The following PLEC variants were observed in gnomAD, a reference collection of about 807,000 sequenced individuals.
PLEC encodes the protein plectin, also known as hemidesmosomal protein 1.
A neutral mutation model predicts 392.8 loss-of-function variants in PLEC; 216 were observed. The ratio of observed to expected loss-of-function variants is 0.55; its 90% CI spans 0.49 to 0.62. The LOEUF is 0.62. Among genes scored for constraint, PLEC ranks in the 20% least tolerant of loss-of-function variants. The pLI, the probability that PLEC is intolerant of heterozygous loss-of-function variation, is 0.00. For missense variants in PLEC, 6,863 were observed against 6,563.4 expected (o/e 1.05, Z -1.58); for synonymous variants, 3,621 against 2,980.6 (o/e 1.21, Z -7.00).
At chr8:143,944,034 C>A, upstream of PLEC, 5 of 1,297,772 alleles carry the variant, frequency 3.9e-6, no homozygotes, top group Admixed American at 4.7e-5. Flanking sequence ...CCGCCCCATA[C>A]GCGGCGGCAG....
rs782357561 is a variant in PLEC, at chr8:143,919,972, C to G, written c.9849G>C (p.Lys3283Asn). ...QFRTGKVTVE[K>N]VIKILITIVE... ...CGATGGTAATGAGAATCTTGATGACCTTCTCCACGGTGACCTTGCCCGTGC... is the reference window on the plus strand; with the variant it reads ...CGATGGTAATGAGAATCTTGATGACGTTCTCCACGGTGACCTTGCCCGTGC... Residue 3283 changes from lysine (K) to asparagine (N), a missense_variant, in exon 32 of 32, where the codon AAG becomes AAC. Coordinates refer to ENST00000345136, the MANE Select transcript of PLEC (RefSeq NM_201384.3). 1 of 1,613,366 alleles carries G rather than the reference C, an allele frequency of 6.2e-7. No individual in the cohort carries two copies. Among genetic ancestry groups the G allele is most frequent in the Admixed American group, 1.7e-5 (1 of 60,030 alleles).
At position 143,925,565 on chromosome 8, in the gene PLEC, C is replaced by T. The variant is rs542878693; in HGVS notation, c.4364G>A (p.Arg1455His). The change falls in exon 31 of 32, where the codon CGC becomes CAC. Residue 1455 changes from arginine (R) to histidine (H), a missense_variant. Coordinates refer to ENST00000345136, the MANE Select transcript of PLEC (RefSeq NM_201384.3). ...GGCCTCCAACTGCAGGCGCACCACGCGGATCTCCTCCTCGATGCGCAGCCG... is the reference window on the plus strand; with the variant it reads ...GGCCTCCAACTGCAGGCGCACCACGTGGATCTCCTCCTCGATGCGCAGCCG... The part of the protein sequence containing the change: ...RSRLRIEEEI[R>H]VVRLQLEATE... 70 of 1,587,348 alleles carry T rather than the reference C, an allele frequency of 4.4e-5. 1 individual carries two copies. The East Asian group carries it at 5.7e-4, about 13-fold the overall frequency.
At position 143,921,749 on chromosome 8, in the gene PLEC, T is replaced by C; in HGVS notation, c.8072A>G (p.Tyr2691Cys). The C allele has an allele frequency of 6.2e-7, 1 of 1,612,478 alleles. No homozygotes were observed. The highest frequency in any genetic ancestry group is 2.2e-5 in the East Asian group (1 of 44,872). The change falls in exon 32 of 32, where the codon TAC becomes TGC. Residue 2691 changes from tyrosine (Y) to cysteine (C), a missense_variant. Coordinates refer to ENST00000345136, the MANE Select transcript of PLEC (RefSeq NM_201384.3). ...ELARREDVRH[Y>C]LQGRSSIAGL... The stretch of plus-strand genomic sequence containing the variant: ...TGCGATACTGCTGCGGCCCTGCAGG[T>C]AGTGGCGCACGTCTTCCCGCCGTGC...
Position 143,921,254 on chromosome 8 carries a change from G to A in PLEC, c.8567C>T (p.Pro2856Leu). The change falls in exon 32 of 32, where the codon CCC (proline) becomes CTC (leucine). Residue 2856 changes from proline (P) to leucine (L), a missense_variant. Physicochemically the swap from Pro to Leu is moderately conservative, Grantham distance 98. Coordinates refer to ENST00000345136, the MANE Select transcript of PLEC (RefSeq NM_201384.3). ...GTACGTGAGGTTCTCGTGCGTGTTG[G>A]GGTCAAAGAAGCCCTTGGTGTCGTC... Reference protein sequence around the residue: ...PSDDTKGFFDPNTHENLTYLQ... With the variant: ...PSDDTKGFFDLNTHENLTYLQ... 1 of 1,614,126 alleles carries A rather than the reference G, an allele frequency of 6.2e-7. No individual in the cohort carries two copies. The highest frequency in any genetic ancestry group is 1.1e-5 in the South Asian group (1 of 91,088).
Position 143,919,468 on chromosome 8 carries a change from C to T in PLEC, c.10353G>A (p.Met3451Ile). The T allele has an allele frequency of 6.2e-7, 1 of 1,613,298 alleles. No homozygotes were observed. Among genetic ancestry groups the T allele is most frequent in the Non-Finnish European group, 8.5e-7 (1 of 1,179,870 alleles). ...GCTGCCGGAGAACCAGGCCCTTCTG[C>T]ATGGCCTGGAAGAGGGAGATGGTGC... Reference protein sequence around the residue: ...SGSTISLFQAMQKGLVLRQHG... With the variant: ...SGSTISLFQAIQKGLVLRQHG... The change falls in exon 32 of 32, where the codon ATG becomes ATA. Residue 3451 changes from methionine to isoleucine, a missense_variant. Physicochemically the swap from Met to Ile is conservative, Grantham distance 10. Transcript: ENST00000345136.
intron 17 of PLEC, 33 bp downstream of exon 17, chr8:143,932,097 C>T: frequency 1.9e-6 from 3 of 1,585,666 alleles, no homozygotes; most frequent in African/African-American, 1.3e-5. Flanking sequence ...CACGGCCCCC[C>T]CCGCAGCCCC....
upstream of PLEC, chr8:143,975,098 T>C (rs544641421): frequency 2.3e-5 from 34 of 1,502,100 alleles, no homozygotes; most frequent in Non-Finnish European, 3.0e-5. This position sits in a 1 kb window ranked among gnomAD's most constrained non-coding sequence, Gnocchi z 9.9. Context: ...CAGTCCCCGC[T>C]CCAGCGCCTA....
rs1563915780 is a variant in PLEC, at chr8:143,916,241, T to C, written c.13580A>G (p.Tyr4527Cys). The C allele has an allele frequency of 3.2e-6, 5 of 1,546,240 alleles. No individual in the cohort carries two copies. The highest frequency in any genetic ancestry group is 2.1e-4 in the Middle Eastern group (1 of 4,756). The change falls in exon 32 of 32, where the codon TAC becomes TGC. Residue 4527 changes from tyrosine (Y) to cysteine (C), a missense_variant. By Grantham distance (194) the Tyr-to-Cys change is radical. Transcript: ENST00000345136. ...FSSSSYSSSG[Y>C]GRRYASGSSA... ...GGACCCCGAGGCGTAGCGGCGGCCG[T>C]AGCCCGAGGAGGAGTAGGAGGATGA...
upstream of PLEC, chr8:143,953,941 G>T: frequency 7.2e-7 from 1 of 1,393,624 alleles, no homozygotes. Flanking sequence ...GGGCCGCCCC[G>T]GGCGCATGCT....
chr8:143,938,217 C>T lies in PLEC; in HGVS notation c.198G>A (p.Leu66=), dbSNP rs1180818294. ...LIKAQRHISD[L]YEDLRDGHNL... ...TGTGGCCATCGCGGAGGTCTTCATA[C>T]AGGTCACTGATGTGCCTCTGGGCCT... Residue 66 remains leucine, a synonymous_variant, in exon 3 of 32, where the codon CTG becomes CTA. Transcript: ENST00000345136. 8 of 1,606,358 alleles carry T rather than the reference C, an allele frequency of 5.0e-6. No homozygotes were observed. In the Admixed American group the frequency reaches 1.0e-4, roughly 20 times the overall value.
At position 143,932,820 on chromosome 8, in the gene PLEC, G is replaced by A. The variant is rs1554718219; in HGVS notation, c.1710C>T (p.Ala570=). ...CGTCACTCCGTGCCCGCTCGATCTTGGCCCGGAATTCTTCGATGGACTGGT... is the reference window on the plus strand; with the variant it reads ...CGTCACTCCGTGCCCGCTCGATCTTAGCCCGGAATTCTTCGATGGACTGGT... ...GLHQSIEEFR[A]KIERARSDEG... is the part of the protein sequence containing the mutation. The change falls in exon 14 of 32, where the codon GCC becomes GCT. Residue 570 remains alanine, a synonymous_variant. Transcript: ENST00000345136. The A allele has an allele frequency of 2.5e-6, 4 of 1,612,432 alleles. No individual in the cohort carries two copies. The African/African-American group carries it at 5.3e-5, about 22-fold the overall frequency.
chr8:143,932,090 G>C (rs782416440), intron 17 of PLEC, 40 bp downstream of exon 17: 4 of 1,573,364 alleles, frequency 2.5e-6, no homozygotes, highest in Non-Finnish European at 3.4e-6. Context: ...GACCCGGCAC[G>C]GCCCCCCCCG....
rs1355314625 is a variant in PLEC, at chr8:143,920,851, C to T, written c.8970G>A (p.Arg2990=). Residue 2990 remains arginine, a synonymous_variant, in exon 32 of 32, where the codon AGG becomes AGA. Transcript: ENST00000345136. ...GCTGGTAGAGCTCGCGGTCGATGAC[C>T]CTGCTCTCCAGCAGCTCGGCGGCTG... is the stretch of plus-strand genomic sequence containing the variant. ...LVPAAELLES[R]VIDRELYQQL... is the part of the protein sequence containing the mutation. 1 of 1,609,808 alleles carries T rather than the reference C, an allele frequency of 6.2e-7. No individual in the cohort carries two copies. The highest frequency in any genetic ancestry group is 8.5e-7 in the Non-Finnish European group (1 of 1,179,956).
At position 143,934,223 on chromosome 8, in the gene PLEC, T is replaced by A. The variant is rs1009293630; in HGVS notation, c.1169+95A>T. On this transcript the variant is annotated intron_variant, in intron 11 of 31. Transcript: ENST00000345136. ...GTCCTAAGGCGAGTGGGAGCTTGGG[T>A]TCCCCCGCCGGGGGCGGGGCGGGGA... is the stretch of plus-strand genomic sequence containing the variant. 7 of 1,589,590 alleles carry A rather than the reference T, an allele frequency of 4.4e-6. No individual in the cohort carries two copies. The South Asian group carries it at 7.7e-5, about 18-fold the overall frequency.
intron 6 of PLEC, 67 bp from the exon 7 acceptor site, chr8:143,935,380 G>A (rs1035498233): frequency 3.7e-5 from 39 of 1,047,198 alleles, no homozygotes; most frequent in Non-Finnish European, 5.2e-5. Context: ...ACAGGCGGGT[G>A]CACAGGCCGG....
rs192809477 is a variant in PLEC, at chr8:143,932,050, C to T, written c.2083-18G>A. The T allele has an allele frequency of 1.7e-4, 273 of 1,566,994 alleles. No homozygotes were observed. The highest frequency in any genetic ancestry group is 2.3e-4 in the Non-Finnish European group (265 of 1,156,364). ...TGGAAGGACTGCGGGACAGCAGGTC[C>T]CGGTCAGGCCCCGCCCCGCCCCGCC... On this transcript the variant is annotated intron_variant, in intron 17 of 31. Coordinates refer to ENST00000345136, the MANE Select transcript of PLEC (RefSeq NM_201384.3).
At chr8:143,938,471 G>A (rs1405860873) in intron 2 of PLEC, 160 bp downstream of exon 2, 29 of 1,543,138 alleles carry the variant, frequency 1.9e-5, no homozygotes, top group Middle Eastern at 3.3e-4. Flanking sequence ...AGAGGCAGGA[G>A]CAGGCGTAGG....
chr8:143,959,591 G>A (rs12334749), intron 1 of PLEC, among the ~76,000 whole-genome samples: 10,677 of 152,358 alleles, frequency 0.07, 520 homozygotes, highest in Non-Finnish European at 0.11. Flanking sequence ...CATGTGACTT[G>A]TCTGAAGCTC....
At chr8:143,972,688 G>T (rs569589276) in intron 1 of PLEC, among the ~76,000 whole-genome samples, 125 of 152,308 alleles carry the variant, frequency 8.2e-4, no homozygotes, top group Middle Eastern at 3.4e-3. Flanking sequence ...GTCCACAACC[G>T]CCTGGAGCCG....
Sources: gnomAD v4.1 joint callset for allele counts (sites outside exome capture counted in the v4.1 genomes callset) on GRCh38, gnomAD v4.1.1 for gene constraint, Gnocchi (gnomAD v3.1) non-coding constraint, MANE v1.5 for transcripts, NCBI Gene and HGNC (gene_info 2026-07-23, HGNC 2026-07-21) for gene names.